The following NKAIN3 variants were observed in gnomAD, a reference collection of about 807,000 sequenced individuals.
The protein encoded by NKAIN3 is sodium/potassium transporting ATPase interacting 3.
NKAIN3 carries 25 observed loss-of-function variants against 30.2 expected under a neutral mutation model. The observed-to-expected ratio is 0.83, with a 90% confidence interval of 0.60 to 1.16. NKAIN3 has a LOEUF of 1.16. NKAIN3 is among the 50% of genes most tolerant of loss of function. The pLI, the probability that NKAIN3 is intolerant of heterozygous loss-of-function variation, is 0.00. For missense variants in NKAIN3, 225 were observed against 254.1 expected, an observed-to-expected ratio of 0.89 and a Z score of 0.78; for synonymous variants, 91 against 89.6, an observed-to-expected ratio of 1.02 and a Z score of -0.09.
At chr8:62,619,935 C>A (rs749882487) in intron 3 of NKAIN3, among the ~76,000 whole-genome samples, 29 of 152,264 alleles carry the variant, frequency 1.9e-4, no homozygotes, top group Middle Eastern at 6.8e-3. Context: ...GGAAAAATAT[C>A]TTTTCCTTCT....
intron 4 of NKAIN3, among the ~76,000 whole-genome samples, chr8:62,766,978 A>T (rs1398332838): frequency 6.7e-6 from 1 of 148,580 alleles, no homozygotes; most frequent in African/African-American, 2.5e-5. Context: ...GCTTCAGGTT[A>T]ACTTGCAGAT....
intron 4 of NKAIN3, among the ~76,000 whole-genome samples, chr8:62,843,649 G>C (rs1243766238): frequency 1.3e-5 from 2 of 152,020 alleles, no homozygotes; most frequent in African/African-American, 4.8e-5. Context: ...CTGACATCTT[G>C]ATTTTAGCCC....
intron 1 of NKAIN3, among the ~76,000 whole-genome samples, chr8:62,535,672 A>G (rs1808637536): frequency 6.6e-6 from 1 of 152,194 alleles, no homozygotes; most frequent in African/African-American, 2.4e-5. Flanking sequence ...GGGGGAAAGG[A>G]CATGGAGCTT....
At chr8:62,327,787 T>C (rs951650353) in intron 1 of NKAIN3, among the ~76,000 whole-genome samples, 8 of 152,112 alleles carry the variant, frequency 5.3e-5, no homozygotes, top group African/African-American at 1.4e-4. Context: ...TGAGATTCCA[T>C]ATGAATTTTA....
chr8:62,552,512 C>T (rs1809249110), intron 1 of NKAIN3, among the ~76,000 whole-genome samples: 1 of 152,144 alleles, frequency 6.6e-6, no homozygotes, highest in Non-Finnish European at 1.5e-5. Flanking sequence ...AAGGAGCATC[C>T]AATTCTTATT....
chr8:62,887,242 C>T (rs1250720732), intron 4 of NKAIN3, among the ~76,000 whole-genome samples: 2 of 151,670 alleles, frequency 1.3e-5, no homozygotes, highest in Admixed American at 6.6e-5. Flanking sequence ...TGTTTTTTTT[C>T]TGCCTCTGGT....
intron 4 of NKAIN3, among the ~76,000 whole-genome samples, chr8:62,815,489 G>A (rs1818645716): frequency 6.6e-6 from 1 of 152,124 alleles, no homozygotes; most frequent in African/African-American, 2.4e-5. Flanking sequence ...CTGGCAAACT[G>A]AATCCAGCAG....
chr8:62,853,672 T>G (rs372938904), intron 4 of NKAIN3, among the ~76,000 whole-genome samples: 211 of 152,294 alleles, frequency 1.4e-3, no homozygotes, highest in African/African-American at 4.9e-3. Context: ...CTGGATTTGT[T>G]GATTTTTGAA....
intron 1 of NKAIN3, among the ~76,000 whole-genome samples, chr8:62,269,187 T>A (rs1020171811): frequency 6.6e-6 from 1 of 152,206 alleles, no homozygotes; most frequent in Admixed American, 6.5e-5. Context: ...GGTGGATAAG[T>A]ATTGCTTGCA....
chr8:62,415,177 T>G (rs1177474587), intron 1 of NKAIN3, among the ~76,000 whole-genome samples: 2 of 142,116 alleles, frequency 1.4e-5, no homozygotes, highest in African/African-American at 2.6e-5. Context: ...ATAATATATA[T>G]TATATTACAA....
chr8:62,966,271 G>A lies in NKAIN3; in HGVS notation c.*864G>A. 3.0e-6 allele frequency: 3 copies of A among 985,060 alleles called. No homozygotes were observed. Among genetic ancestry groups the A allele is most frequent in the Non-Finnish European group, 3.6e-6 (3 of 829,646 alleles). 61.0% of individuals were successfully genotyped at this position (985,060 alleles called of 1,614,324 possible). A position where few individuals can be genotyped will look rare whatever the true frequency, so the allele number is the denominator to read the frequency against. ...TATTCAAAAGAAGCCTGAAAATGCTGTAGCATTCTCTATAAATACTTCTAA... is the reference window on the plus strand; with the variant it reads ...TATTCAAAAGAAGCCTGAAAATGCTATAGCATTCTCTATAAATACTTCTAA... On this transcript the variant is annotated 3_prime_UTR_variant, in exon 7 of 7. Coordinates refer to ENST00000623646, the MANE Select transcript of NKAIN3 (RefSeq NM_001304533.3).
At chr8:62,868,764 A>G (rs1323421510) in intron 4 of NKAIN3, among the ~76,000 whole-genome samples, 1 of 152,214 alleles carries the variant, frequency 6.6e-6, no homozygotes, top group African/African-American at 2.4e-5. Context: ...AAACACTGGC[A>G]TGAGTGTTGA....
intron 1 of NKAIN3, among the ~76,000 whole-genome samples, chr8:62,490,742 A>G (rs188160644): frequency 6.6e-6 from 1 of 152,324 alleles, no homozygotes; most frequent in Non-Finnish European, 1.5e-5. Flanking sequence ...CAGTGCTGGC[A>G]TCATGGAAAA....
chr8:62,743,457 C>A (rs1404293988), intron 3 of NKAIN3, among the ~76,000 whole-genome samples: 1 of 152,142 alleles, frequency 6.6e-6, no homozygotes, highest in Non-Finnish European at 1.5e-5. Flanking sequence ...AAGAGAAAAG[C>A]ATTATAGATT....
chr8:62,434,405 C>G (rs1046833376), intron 1 of NKAIN3, among the ~76,000 whole-genome samples: 1 of 152,102 alleles, frequency 6.6e-6, no homozygotes, highest in African/African-American at 2.4e-5. Context: ...GATTGCAAGG[C>G]TTTTCAGCCC....
chr8:62,805,250 C>T (rs1818232879), intron 4 of NKAIN3, among the ~76,000 whole-genome samples: 2 of 151,718 alleles, frequency 1.3e-5, no homozygotes, highest in South Asian at 4.2e-4. Flanking sequence ...AGATTCAATG[C>T]CATCCCCATC....
At chr8:62,672,671 C>T (rs996477779) in intron 3 of NKAIN3, among the ~76,000 whole-genome samples, 3 of 152,182 alleles carry the variant, frequency 2.0e-5, no homozygotes, top group African/African-American at 7.2e-5. Context: ...CCATGTTTGC[C>T]TCATTGTCTC....
At chr8:62,615,019 G>A (rs564714242) in intron 3 of NKAIN3, among the ~76,000 whole-genome samples, 7 of 152,278 alleles carry the variant, frequency 4.6e-5, no homozygotes, top group South Asian at 4.1e-4. Flanking sequence ...TACCTAAGGT[G>A]CAAGACAAAG....
chr8:62,976,743 T>A lies in NKAIN3; in HGVS notation c.*11336T>A, dbSNP rs1306974556. ...TGTCATTATGATGATAGCTGGTTAT[T>A]TTGCCCATTAGTTGATGCAGCTTCT... On this transcript the variant is annotated 3_prime_UTR_variant, in exon 7 of 7. Coordinates refer to ENST00000623646, the MANE Select transcript of NKAIN3 (RefSeq NM_001304533.3). 6.6e-6 allele frequency among the ~76,000 whole-genome samples: 1 copy of A among 152,242 alleles called. No individual in the cohort carries two copies. The highest frequency in any genetic ancestry group is 2.4e-5 in the African/African-American group (1 of 41,468).
Sources: allele counts gnomAD v4.1 joint callset (sites outside exome capture counted in the v4.1 genomes callset), GRCh38; gene constraint gnomAD v4.1.1; transcripts MANE v1.5; gene names NCBI Gene and HGNC (gene_info 2026-07-23, HGNC 2026-07-21).